Variants in DHCR7 observed in about 807,000 individuals in gnomAD.
DHCR7 encodes 7-dehydrocholesterol reductase, also known as 7-DHC reductase.
DHCR7 carries 40 observed loss-of-function variants against 43.3 expected under a neutral mutation model. That is an observed-to-expected ratio of 0.92 (90% CI 0.72 to 1.20). DHCR7 has a LOEUF of 1.20. Among genes scored for constraint, DHCR7 ranks in the 50% most tolerant of loss-of-function variants. The pLI is 0.00. For synonymous variants in DHCR7, 298 were observed against 271.4 expected (o/e 1.10, Z -0.96); for missense variants, 608 against 644.6 (o/e 0.94, Z 0.62).
At chr11:71,429,206 T>C (rs1790351) in intron 2 of DHCR7, among the ~76,000 whole-genome samples, 128,855 of 152,164 alleles carry the variant, frequency 0.85, 55,824 homozygotes, top group Non-Finnish European at 0.95. Context: ...AGGGAGGTGG[T>C]GGGCATGGCT....
chr11:71,431,395 G>C (rs1272174855), downstream of DHCR7, among the ~76,000 whole-genome samples: 1 of 152,220 alleles, frequency 6.6e-6, no homozygotes, highest in Non-Finnish European at 1.5e-5. Flanking sequence ...ACCTCTGTCT[G>C]CTGGGCATTT....
At chr11:71,444,521 G>A (rs1410979645) in intron 3 of DHCR7, among the ~76,000 whole-genome samples, 1 of 152,194 alleles carries the variant, frequency 6.6e-6, no homozygotes, top group Non-Finnish European at 1.5e-5. Flanking sequence ...CCAGGTCGGA[G>A]AGGATACTCA....
intron 8 of DHCR7, among the ~76,000 whole-genome samples, chr11:71,437,110 C>G (rs947308933): frequency 1.3e-4 from 20 of 152,168 alleles, no homozygotes; most frequent in African/African-American, 4.3e-4. Context: ...TGTGGGAATC[C>G]TGGTTTTCCA....
downstream of DHCR7, among the ~76,000 whole-genome samples, chr11:71,432,136 T>TGG (rs1488087207): frequency 3.9e-5 from 6 of 152,242 alleles, no homozygotes; most frequent in African/African-American, 1.2e-4. Context: ...GAAAACTTTA[T>TGG]TATCTACCAT....
At chr11:71,430,523 T>C (rs1949222966), downstream of DHCR7, among the ~76,000 whole-genome samples, 1 of 140,532 alleles carries the variant, frequency 7.1e-6, no homozygotes, top group Non-Finnish European at 1.6e-5. Context: ...AGCAGCTCAG[T>C]TGTCCCCCTG....
At chr11:71,439,232 A>G (rs923190893) in intron 6 of DHCR7, 149 bp from the exon 7 acceptor site, 2 of 745,882 alleles carry the variant, frequency 2.7e-6, no homozygotes, top group Admixed American at 2.3e-5. Context: ...AGCCGCTGGG[A>G]CCCCCACGGC....
In DHCR7 at chr11:71,444,039, A is replaced by T; in HGVS notation, c.275T>A (p.Ile92Lys). The T allele has an allele frequency of 6.2e-7, 1 of 1,613,612 alleles. No homozygotes were observed. The highest frequency in any genetic ancestry group is 8.5e-7 in the Non-Finnish European group (1 of 1,179,830). The change falls in exon 4 of 9, where the codon ATA (isoleucine) becomes AAA (lysine). Residue 92 changes from isoleucine to lysine, a missense_variant. By Grantham distance (102) the Ile-to-Lys change is moderately radical. Transcript: ENST00000355527. ...ATAGAGCTGGGCGGCTTTCCTCGTTATAGGTGGAGTCTTGGCCCAGATGTC... is the reference window on the plus strand; with the variant it reads ...ATAGAGCTGGGCGGCTTTCCTCGTTTTAGGTGGAGTCTTGGCCCAGATGTC... The part of the protein sequence containing the change: ...LSDIWAKTPP[I>K]TRKAAQLYTL...
At chr11:71,447,153 G>A (rs1949413893) in intron 2 of DHCR7, among the ~76,000 whole-genome samples, 2 of 152,204 alleles carry the variant, frequency 1.3e-5, no homozygotes, top group South Asian at 2.1e-4. Context: ...TAAGTAGAAT[G>A]GGGTGGCATT....
At chr11:71,444,261 G>T in intron 3 of DHCR7, 46 bp from the exon 4 acceptor site, 1 of 1,495,760 alleles carries the variant, frequency 6.7e-7, no homozygotes, top group Non-Finnish European at 9.1e-7. Context: ...CATCTGCCCT[G>T]GGCCCCACCA....
At chr11:71,439,192 G>C in intron 6 of DHCR7, 109 bp from the exon 7 acceptor site, 1 of 1,065,798 alleles carries the variant, frequency 9.4e-7, no homozygotes. Context: ...AAAGGGTAAC[G>C]TGAGACGGCG....
downstream of DHCR7, among the ~76,000 whole-genome samples, chr11:71,427,941 G>A (rs1002364867): frequency 6.6e-6 from 1 of 152,048 alleles, no homozygotes; most frequent in Admixed American, 6.6e-5. Context: ...GAACCAAAAG[G>A]CATACTATTT....
rs140791666 is a variant in DHCR7, at chr11:71,435,513, G to C, written c.1290C>G (p.Tyr430Ter). The C allele has an allele frequency of 1.9e-5, 30 of 1,611,736 alleles. No homozygotes were observed. The highest frequency in any genetic ancestry group is 2.5e-5 in the Non-Finnish European group (30 of 1,179,702). ...GGATGGCCATGTAGATGATGTAGAA[G>C]TAGGGCAGCAGGTGGCCGCCGCCAC... ...LACGGGHLLP[Y>*]FYIIYMAILL... The change falls in exon 9 of 9, where the codon TAC becomes TAG. Residue 430 changes from tyrosine (Y) to a stop codon, truncating the protein, a stop_gained. Coordinates refer to ENST00000355527, the MANE Select transcript of DHCR7 (RefSeq NM_001360.3). LOFTEE classifies it high-confidence loss of function.
At chr11:71,441,177 G>A in intron 6 of DHCR7, 50 bp downstream of exon 6, 3 of 1,568,662 alleles carry the variant, frequency 1.9e-6, no homozygotes, top group Non-Finnish European at 2.6e-6. Context: ...AAGGCCAGGG[G>A]TGAAGTTTGC....
rs1398924127 is a variant in DHCR7 at position 71,435,780 on chromosome 11, C to G, written c.1023G>C (p.Leu341=). The stretch of plus-strand genomic sequence containing the variant: ...TGTAGTAGCCCACCAGGCCCAGCAG[C>G]AGGACGCCCACGGCGTGCGGGGTGG... ...QLSTPHAVGV[L]LLGLVGYYIF... is the part of the protein sequence containing the mutation. Residue 341 remains leucine, a synonymous_variant, in exon 9 of 9, where the codon CTG becomes CTC. Coordinates refer to ENST00000355527, the MANE Select transcript of DHCR7 (RefSeq NM_001360.3). 1 of 1,609,036 alleles carries G rather than the reference C, an allele frequency of 6.2e-7. No individual in the cohort carries two copies. Among genetic ancestry groups the G allele is most frequent in the Non-Finnish European group, 8.5e-7 (1 of 1,176,806 alleles).
At chr11:71,440,358 G>A (rs1254792414) in intron 6 of DHCR7, among the ~76,000 whole-genome samples, 2 of 152,048 alleles carry the variant, frequency 1.3e-5, no homozygotes, top group Non-Finnish European at 2.9e-5. Flanking sequence ...GGATGGGTGG[G>A]TGGCTAGATG....
At chr11:71,441,519 C>CGGGG (rs935165835) in intron 5 of DHCR7, 79 bp from the exon 6 acceptor site, 29 of 1,268,098 alleles carry the variant, frequency 2.3e-5, no homozygotes, top group Admixed American at 3.9e-5. Flanking sequence ...GCATGCCTGG[C>CGGGG]GGGGGCCCTG....
intron 2 of DHCR7, 81 bp from the exon 3 acceptor site, chr11:71,445,039 GGGCCTGGCAGGGCT>G: frequency 8.3e-7 from 1 of 1,203,594 alleles, no homozygotes; most frequent in Middle Eastern, 2.0e-4. Flanking sequence ...CACTGCTCCT[GGGCCTGGCAGGGCT>G]GGCCTCCTGT....
At position 71,444,122 on chromosome 11, in the gene DHCR7, G is replaced by C; in HGVS notation, c.192C>G (p.Tyr64Ter). 1 of 1,611,990 alleles carries C rather than the reference G, an allele frequency of 6.2e-7. No individual in the cohort carries two copies. The highest frequency in any genetic ancestry group is 8.5e-7 in the Non-Finnish European group (1 of 1,179,208). ...VYYFIMACDQYSCALTGPVVD... is the reference protein window; with the variant it reads ...VYYFIMACDQ ...CCACAGGGCCAGTCAGGGCGCAGCTGTACTGGTCACAAGCCATGATGAAGT... is the reference window on the plus strand; with the variant it reads ...CCACAGGGCCAGTCAGGGCGCAGCTCTACTGGTCACAAGCCATGATGAAGT... Residue 64 changes from tyrosine (Y) to a stop codon, truncating the protein, a stop_gained, in exon 4 of 9, where the codon TAC (tyrosine) becomes TAG (stop). Coordinates refer to ENST00000355527, the MANE Select transcript of DHCR7 (RefSeq NM_001360.3). LOFTEE classifies it high-confidence loss of function.
Position 71,441,391 on chromosome 11 carries a change from C to A in DHCR7, c.462G>T (p.Thr154=), listed in dbSNP as rs1203189676. 6.2e-7 allele frequency: 1 copy of A among 1,614,120 alleles called. No homozygotes were observed. The highest frequency in any genetic ancestry group is 8.5e-7 in the Non-Finnish European group (1 of 1,180,000). The stretch of plus-strand genomic sequence containing the variant: ...GAGCGTTTGCAAACCAGAGCAGGTG[C>A]GTGAGGAGCCAGGCTTGCAGGCCAT... ...QINGLQAWLL[T]HLLWFANAHL... Residue 154 remains threonine, a synonymous_variant, in exon 6 of 9, where the codon ACG becomes ACT. Coordinates refer to ENST00000355527, the MANE Select transcript of DHCR7 (RefSeq NM_001360.3).
Sources: gnomAD v4.1 joint callset for allele counts (sites outside exome capture counted in the v4.1 genomes callset) on GRCh38, gnomAD v4.1.1 for gene constraint, MANE v1.5 for transcripts, NCBI Gene and HGNC (gene_info 2026-07-23, HGNC 2026-07-21) for gene names.